JAKMIP1: variants seen among roughly 807,000 people sequenced by gnomAD.
The protein encoded by JAKMIP1 is janus kinase and microtubule-interacting protein 1.
A neutral mutation model predicts 113.0 loss-of-function variants in JAKMIP1; 33 were observed. That is an observed-to-expected ratio of 0.29 (90% CI 0.22 to 0.39). The LOEUF is 0.39. Ranked by LOEUF, JAKMIP1 falls within the 10% of genes least tolerant of loss-of-function variation. The pLI is 1.00. For synonymous variants in JAKMIP1, 480 were observed against 459.9 expected, an observed-to-expected ratio of 1.04 and a Z score of -0.56; for missense variants, 813 against 1,080.5, an observed-to-expected ratio of 0.75 and a Z score of 3.47.
rs1726699204 is a variant in JAKMIP1 at position 6,186,787 on chromosome 4, T to C, written c.-148+13466A>G. On this transcript the variant is annotated intron_variant, in intron 1 of 20. Transcript: ENST00000409021. The surrounding 1 kb of genome is among the most constrained non-coding windows in gnomAD (Gnocchi z 5.5). Reference sequence around the variant, plus strand: ...AAGTGGGTGTTGACATATTCAACTATTGTTGTTGAATTATCTATTTCTCCC... The same window carrying C: ...AAGTGGGTGTTGACATATTCAACTACTGTTGTTGAATTATCTATTTCTCCC... Among the ~76,000 whole-genome samples, 1 of 152,154 alleles carries C rather than the reference T, an allele frequency of 6.6e-6. No individual in the cohort carries two copies.
rs28576504 is a variant in JAKMIP1 at position 6,097,204 on chromosome 4, C to A, written c.624+8269G>T. Among the ~76,000 whole-genome samples, 1 of 151,984 alleles carries A rather than the reference C, an allele frequency of 6.6e-6. No individual in the cohort carries two copies. The highest frequency in any genetic ancestry group is 2.4e-5 in the African/African-American group (1 of 41,358). On this transcript the variant is annotated intron_variant, in intron 3 of 20. Coordinates refer to ENST00000409021, the MANE Select transcript of JAKMIP1 (RefSeq NM_001099433.2). This position sits in a 1 kb window ranked among gnomAD's most constrained non-coding sequence, Gnocchi z 4.3. ...TTTTGTAGAGGCAAGACCTCACTGC[C>A]CAGGATGGTCTCAAACTCTCAGCCT...
intron 9 of JAKMIP1, among the ~76,000 whole-genome samples, chr4:6,062,852 A>G (rs1717502673): frequency 6.6e-6 from 1 of 152,236 alleles, no homozygotes; most frequent in African/African-American, 2.4e-5. Context: ...CTGGGAATTT[A>G]TCCTAAAGAG....
Position 6,157,913 on chromosome 4 carries a change from G to T in JAKMIP1, c.-148+42340C>A, listed in dbSNP as rs1722442285. ...GTTAGAACCAAGGGTGTCTTGCTTT[G>T]CATCAGCAGCACTAACTCCTGATGC... is the stretch of plus-strand genomic sequence containing the variant. On this transcript the variant is annotated intron_variant, in intron 1 of 20. Coordinates refer to ENST00000409021, the MANE Select transcript of JAKMIP1 (RefSeq NM_001099433.2). This position sits in a 1 kb window ranked among gnomAD's most constrained non-coding sequence, Gnocchi z 4.7. Among the ~76,000 whole-genome samples, 3 of 152,162 alleles carry T rather than the reference G, an allele frequency of 2.0e-5. No individual in the cohort carries two copies. In the South Asian group the frequency reaches 6.2e-4, roughly 32 times the overall value.
chr4:6,198,083 G>A (rs565050489), intron 1 of JAKMIP1, among the ~76,000 whole-genome samples: 1 of 152,324 alleles, frequency 6.6e-6, no homozygotes, highest in South Asian at 2.1e-4. Context: ...CATCTCTCAG[G>A]CCACCTCACT....
At chr4:6,109,246 C>A (rs1317947484) in intron 2 of JAKMIP1, among the ~76,000 whole-genome samples, 2 of 151,234 alleles carry the variant, frequency 1.3e-5, no homozygotes, top group Non-Finnish European at 2.9e-5. Flanking sequence ...CATTCTCCTG[C>A]CTCAGCTTCC....
chr4:6,091,064 C>A (rs910978972), intron 3 of JAKMIP1, among the ~76,000 whole-genome samples: 4 of 152,208 alleles, frequency 2.6e-5, no homozygotes, highest in Non-Finnish European at 5.9e-5. Flanking sequence ...AGCCAGCTGA[C>A]AAAGAAATGA....
At chr4:6,063,768 A>G (rs1717654429) in intron 9 of JAKMIP1, among the ~76,000 whole-genome samples, 1 of 152,232 alleles carries the variant, frequency 6.6e-6, no homozygotes, top group Non-Finnish European at 1.5e-5. Flanking sequence ...GGGACTCCAC[A>G]GAAAATGCCA....
chr4:6,072,699 C>G (rs1215101295), intron 8 of JAKMIP1, among the ~76,000 whole-genome samples: 1 of 152,176 alleles, frequency 6.6e-6, no homozygotes, highest in Non-Finnish European at 1.5e-5. Context: ...CTCATGAGCT[C>G]ACAGACTGGT....
rs150223150 is a variant in JAKMIP1, at chr4:6,097,863, A to C, written c.624+7610T>G. Among the ~76,000 whole-genome samples, 253 of 152,348 alleles carry C rather than the reference A, an allele frequency of 1.7e-3. No homozygotes were observed. Among genetic ancestry groups the C allele is most frequent in the African/African-American group, 5.8e-3 (243 of 41,578 alleles). ...CAAAAGCACCCAAGACCAGGATGTC[A>C]GGTTTTTGTCTGGCTTTGAATATTT... On this transcript the variant is annotated intron_variant, in intron 3 of 20. Coordinates refer to ENST00000409021, the MANE Select transcript of JAKMIP1 (RefSeq NM_001099433.2). The surrounding 1 kb of genome is among the most constrained non-coding windows in gnomAD (Gnocchi z 4.3).
In JAKMIP1 at chr4:6,093,121, A is replaced by G. The variant is rs766288441; in HGVS notation, c.625-7492T>C. 3.7e-4 allele frequency among the ~76,000 whole-genome samples: 56 copies of G among 152,290 alleles called. No individual in the cohort carries two copies. Among genetic ancestry groups the G allele is most frequent in the Non-Finnish European group, 6.5e-4 (44 of 68,032 alleles). ...CTCCCTCTGCATAGGATCACCTAAC[A>G]AACTCCTATGCATCCTTCAAAACCC... On this transcript the variant is annotated intron_variant, in intron 3 of 20. Coordinates refer to ENST00000409021, the MANE Select transcript of JAKMIP1 (RefSeq NM_001099433.2). The surrounding 1 kb of genome is among the most constrained non-coding windows in gnomAD (Gnocchi z 4.6).
intron 1 of JAKMIP1, among the ~76,000 whole-genome samples, chr4:6,126,624 A>AC: frequency 6.6e-6 from 1 of 150,584 alleles, no homozygotes; most frequent in African/African-American, 2.4e-5. Flanking sequence ...AAACACACAC[A>AC]CACACAAACA....
chr4:6,171,691 G>A (rs754056721), intron 1 of JAKMIP1, among the ~76,000 whole-genome samples: 50 of 152,292 alleles, frequency 3.3e-4, no homozygotes, highest in African/African-American at 9.9e-4. Context: ...GAAGGTTGGC[G>A]GTTCACCCTC....
At position 6,186,670 on chromosome 4, in the gene JAKMIP1, T is replaced by C. The variant is rs772167702; in HGVS notation, c.-148+13583A>G. Among the ~76,000 whole-genome samples the C allele has an allele frequency of 2.0e-5, 3 of 152,244 alleles. No individual in the cohort carries two copies. Among genetic ancestry groups the C allele is most frequent in the Non-Finnish European group, 2.9e-5 (2 of 68,048 alleles). On this transcript the variant is annotated intron_variant, in intron 1 of 20. Coordinates refer to ENST00000409021, the MANE Select transcript of JAKMIP1 (RefSeq NM_001099433.2). The surrounding 1 kb of genome is among the most constrained non-coding windows in gnomAD (Gnocchi z 5.5). ...CTGATGTCCTTGGTCTAGTGTTCTA[T>C]AGGTTTCCACTAGGTCTAATTGGTG...
At chr4:6,149,335 C>T (rs189345729) in intron 1 of JAKMIP1, among the ~76,000 whole-genome samples, 252 of 152,258 alleles carry the variant, frequency 1.7e-3, no homozygotes, top group African/African-American at 5.6e-3. Flanking sequence ...GGCTTTCTCC[C>T]AGGAGGAAGA....
At chr4:6,056,038 T>C (rs1187377124) in intron 12 of JAKMIP1, among the ~76,000 whole-genome samples, 1 of 149,654 alleles carries the variant, frequency 6.7e-6, no homozygotes, top group African/African-American at 2.5e-5. Flanking sequence ...CCCTCCTCAT[T>C]TCTGCAGGGT....
Position 6,108,307 on chromosome 4 carries a change from G to A in JAKMIP1, c.130-2340C>T, listed in dbSNP as rs948965548. 2.0e-5 allele frequency among the ~76,000 whole-genome samples: 3 copies of A among 152,114 alleles called. No individual in the cohort carries two copies. The highest frequency in any genetic ancestry group is 7.2e-5 in the African/African-American group (3 of 41,436). ...CACCACCACTCCATCCAGCTGAGCA[G>A]GCCAAAAAAAGCCGCCCAGCACTTT... On this transcript the variant is annotated intron_variant, in intron 2 of 20. Coordinates refer to ENST00000409021, the MANE Select transcript of JAKMIP1 (RefSeq NM_001099433.2). This position sits in a 1 kb window ranked among gnomAD's most constrained non-coding sequence, Gnocchi z 5.6.
chr4:6,098,581 A>AGAAAGAAAGAAAGAAG (rs1712293499), intron 3 of JAKMIP1, among the ~76,000 whole-genome samples: 2 of 148,410 alleles, frequency 1.3e-5, no homozygotes, highest in African/African-American at 5.0e-5. Flanking sequence ...AAAGAAAGAA[A>AGAAAGAAAGAAAGAAG]GAAGGAAAGG....
At chr4:6,032,249 G>C (rs1387561448) in intron 19 of JAKMIP1, among the ~76,000 whole-genome samples, 4 of 152,210 alleles carry the variant, frequency 2.6e-5, no homozygotes, top group African/African-American at 9.6e-5. Context: ...AAGAACATCT[G>C]AGAATCCCCC....
rs1721474122 is a variant in JAKMIP1 at position 6,150,747 on chromosome 4, G to T, written c.-147-37750C>A. On this transcript the variant is annotated intron_variant, in intron 1 of 20. Transcript: ENST00000409021. This position sits in a 1 kb window ranked among gnomAD's most constrained non-coding sequence, Gnocchi z 4.8. Reference sequence around the variant, plus strand: ...TCTTTTAAAAGCACGTTAAAAGGCAGGCCTCTAAAATCAGCTTCCTAGACC... The same window carrying T: ...TCTTTTAAAAGCACGTTAAAAGGCATGCCTCTAAAATCAGCTTCCTAGACC... Among the ~76,000 whole-genome samples, 1 of 152,164 alleles carries T rather than the reference G, an allele frequency of 6.6e-6. No homozygotes were observed. The highest frequency in any genetic ancestry group is 1.5e-5 in the Non-Finnish European group (1 of 68,022).
Sources: allele counts gnomAD v4.1 joint callset (sites outside exome capture counted in the v4.1 genomes callset), GRCh38; gene constraint gnomAD v4.1.1; non-coding constraint Gnocchi (gnomAD v3.1); transcripts MANE v1.5; gene names NCBI Gene and HGNC (gene_info 2026-07-23, HGNC 2026-07-21).